ADAMTSL1: variants seen among roughly 807,000 people sequenced by gnomAD.
ADAMTSL1 encodes the protein ADAMTS like 1.
In ADAMTSL1, 126 loss-of-function variants were observed where a neutral mutation model predicts 201.8. The observed-to-expected ratio is 0.62, with a 90% CI of 0.54 to 0.72. ADAMTSL1 has a LOEUF of 0.72. Ranked by LOEUF, ADAMTSL1 falls within the 30% of genes least tolerant of loss-of-function variation. The pLI is 0.00. For missense variants in ADAMTSL1, 2,679 were observed against 2,277.8 expected (o/e 1.18, Z -3.59); for synonymous variants, 1,121 against 903.4 (o/e 1.24, Z -4.32).
intron 7 of ADAMTSL1, among the ~76,000 whole-genome samples, chr9:18,647,400 G>A (rs1486874415): frequency 6.6e-6 from 1 of 150,672 alleles, no homozygotes; most frequent in Non-Finnish European, 1.5e-5. Flanking sequence ...GTTCTGCTCT[G>A]ATTTTAGTTA....
At position 18,906,703 on chromosome 9, in the gene ADAMTSL1, C is replaced by T. The variant is rs759779980; in HGVS notation, c.4973C>T (p.Thr1658Ile). The change falls in exon 28 of 29, where the codon ACC becomes ATC. Residue 1658 changes from threonine to isoleucine, a missense_variant. Transcript: ENST00000380548. The part of the protein sequence containing the change: ...QCSALPRPVS[T>I]QNCWSEACSV... ...CCATCCTCCTGCAGGCCTGTGAGCACCCAGAACTGCTGGTCAGAGGCCTGC... is the reference window on the plus strand; with the variant it reads ...CCATCCTCCTGCAGGCCTGTGAGCATCCAGAACTGCTGGTCAGAGGCCTGC... 6.3e-6 allele frequency: 10 copies of T among 1,598,648 alleles called. No homozygotes were observed. The highest frequency in any genetic ancestry group is 8.5e-6 in the Non-Finnish European group (10 of 1,171,812).
chr9:18,344,937 C>T lies in ADAMTSL1; in HGVS notation c.208-159892C>T, dbSNP rs535033047. On this transcript the variant is annotated intron_variant, in intron 2 of 29. Coordinates refer to the ADAMTSL1 transcript ENST00000680146. ...GGAGCTATTTAAGCAGAGCTCCCCT[C>T]GGGAGGCCCTCTTTTGACAGCCCTG... Among the ~76,000 whole-genome samples the T allele has an allele frequency of 6.6e-5, 10 of 152,286 alleles. No homozygotes were observed. The East Asian group carries it at 1.2e-3, about 18-fold the overall frequency.
intron 2 of ADAMTSL1, among the ~76,000 whole-genome samples, chr9:18,338,837 C>T (rs1045303539): frequency 6.6e-6 from 1 of 152,108 alleles, no homozygotes; most frequent in African/African-American, 2.4e-5. Context: ...CATATGTACT[C>T]AAAGTTTAGC....
At chr9:18,414,624 C>G (rs1377155898) in intron 2 of ADAMTSL1, among the ~76,000 whole-genome samples, 1 of 152,124 alleles carries the variant, frequency 6.6e-6, no homozygotes, top group African/African-American at 2.4e-5. Flanking sequence ...AGTTTTCAGG[C>G]TGTGGCTCAG....
chr9:18,298,215 G>A (rs1369327228), intron 2 of ADAMTSL1, among the ~76,000 whole-genome samples: 1 of 152,210 alleles, frequency 6.6e-6, no homozygotes, highest in Non-Finnish European at 1.5e-5. Flanking sequence ...AAGGTATGGA[G>A]TATGGCAATT....
chr9:18,661,902 A>G (rs1194859256), intron 8 of ADAMTSL1, 33 bp from the exon 9 acceptor site: 2 of 1,600,340 alleles, frequency 1.2e-6, no homozygotes, highest in Middle Eastern at 1.7e-4. Context: ...TGGCATGTAC[A>G]TTTAAACTTG....
At position 18,498,434 on chromosome 9, in the gene ADAMTSL1, T is replaced by C. The variant is rs191574269; in HGVS notation, c.64-6395T>C. 1.5e-3 allele frequency among the ~76,000 whole-genome samples: 220 copies of C among 151,644 alleles called. 2 individuals are homozygous for C. Among genetic ancestry groups the C allele is most frequent in the Admixed American group, 4.4e-3 (67 of 15,232 alleles). On this transcript the variant is annotated intron_variant, in intron 1 of 28. Transcript: ENST00000380548. ...TCACTGCAACCTTCACCTCCTGGGT[T>C]CAAGCGATTCTTGTGTCCCAGCCTC...
chr9:18,432,261 T>C (rs1234110811), intron 2 of ADAMTSL1, among the ~76,000 whole-genome samples: 1 of 152,212 alleles, frequency 6.6e-6, no homozygotes, highest in African/African-American at 2.4e-5. Flanking sequence ...CACATATCTC[T>C]TTATATTGGC....
At chr9:18,729,117 A>G (rs367694190) in intron 15 of ADAMTSL1, among the ~76,000 whole-genome samples, 3 of 152,162 alleles carry the variant, frequency 2.0e-5, no homozygotes, top group East Asian at 3.9e-4. Flanking sequence ...GATTGCTCCT[A>G]TGATCAACCC....
intron 2 of ADAMTSL1, among the ~76,000 whole-genome samples, chr9:18,267,673 C>G (rs939535667): frequency 6.7e-6 from 1 of 150,374 alleles, no homozygotes; most frequent in African/African-American, 2.5e-5. Context: ...CCCAACTCAC[C>G]TTTAATAAGT....
intron 2 of ADAMTSL1, among the ~76,000 whole-genome samples, chr9:18,172,086 C>T (rs1453618865): frequency 3.1e-5 from 4 of 129,312 alleles, no homozygotes; most frequent in Admixed American, 1.0e-4. Context: ...AACGAGAACA[C>T]ATGGACACAG....
At chr9:18,264,642 A>T (rs765069403) in intron 2 of ADAMTSL1, among the ~76,000 whole-genome samples, 5 of 152,116 alleles carry the variant, frequency 3.3e-5, no homozygotes, top group African/African-American at 4.8e-5. Flanking sequence ...TAACTTCTGG[A>T]TGCCACAGGG....
At chr9:18,680,567 C>T in intron 11 of ADAMTSL1, 51 bp downstream of exon 11, 3 of 1,591,592 alleles carry the variant, frequency 1.9e-6, no homozygotes, top group Non-Finnish European at 2.6e-6. Flanking sequence ...CCACTCTTCC[C>T]TCTCATCATC....
chr9:18,475,860 T>G (rs1490180016), intron 1 of ADAMTSL1, among the ~76,000 whole-genome samples: 1 of 152,164 alleles, frequency 6.6e-6, no homozygotes, highest in Non-Finnish European at 1.5e-5. Flanking sequence ...TCATTATACT[T>G]TAGTAAAACT....
intron 2 of ADAMTSL1, among the ~76,000 whole-genome samples, chr9:18,526,371 A>T (rs977451084): frequency 2.6e-5 from 4 of 152,196 alleles, no homozygotes. Flanking sequence ...CAGCACACTG[A>T]TGGATCTTGG....
At chr9:18,603,144 G>A (rs1410922669) in intron 4 of ADAMTSL1, among the ~76,000 whole-genome samples, 1 of 152,072 alleles carries the variant, frequency 6.6e-6, no homozygotes, top group African/African-American at 2.4e-5. Context: ...GTAATGGTAG[G>A]TGTTCCATGA....
intron 2 of ADAMTSL1, among the ~76,000 whole-genome samples, chr9:18,465,473 G>A (rs1324000550): frequency 1.3e-5 from 2 of 152,274 alleles, no homozygotes; most frequent in African/African-American, 4.8e-5. Flanking sequence ...CTAGATGGCT[G>A]CTCCAGCCTT....
chr9:18,565,761 A>G (rs1821852398), intron 3 of ADAMTSL1, among the ~76,000 whole-genome samples: 1 of 152,182 alleles, frequency 6.6e-6, no homozygotes, highest in African/African-American at 2.4e-5. Context: ...CAGACTGTCT[A>G]GACAGGGCAG....
intron 23 of ADAMTSL1, among the ~76,000 whole-genome samples, chr9:18,882,157 C>G (rs1828573244): frequency 6.6e-6 from 1 of 152,170 alleles, no homozygotes; most frequent in Non-Finnish European, 1.5e-5. Context: ...TGCCTAAATA[C>G]TCTCTCAGAA....
Sources: gnomAD v4.1 joint callset for allele counts (sites outside exome capture counted in the v4.1 genomes callset) on GRCh38, gnomAD v4.1.1 for gene constraint, MANE v1.5 for transcripts, NCBI Gene and HGNC (gene_info 2026-07-23, HGNC 2026-07-21) for gene names.